The following NBEA variants were observed in gnomAD, a reference collection of about 807,000 sequenced individuals.
NBEA encodes neurobeachin, also known as lysosomal-trafficking regulator 2.
A neutral mutation model predicts 343.4 loss-of-function variants in NBEA; 44 were observed. The observed-to-expected ratio is 0.13, with a 90% CI of 0.10 to 0.16. The LOEUF is 0.16. NBEA is among the 10% of genes least tolerant of loss of function. The pLI is 1.00. For missense variants in NBEA, 2,555 were observed against 3,631.3 expected (o/e 0.70, Z 7.62); for synonymous variants, 1,175 against 1,238.7 (o/e 0.95, Z 1.08).
intron 49 of NBEA, among the ~76,000 whole-genome samples, chr13:35,631,018 CAA>C (rs1321725868): frequency 6.6e-6 from 1 of 152,172 alleles, no homozygotes; most frequent in Non-Finnish European, 1.5e-5. Context: ...CAGATTCCCA[CAA>C]AGACAGTTCT....
intron 38 of NBEA, among the ~76,000 whole-genome samples, chr13:35,355,596 G>A (rs919320369): frequency 6.6e-6 from 1 of 152,010 alleles, no homozygotes; most frequent in Non-Finnish European, 1.5e-5. Context: ...TTCACTGAGG[G>A]GGAAAATAAG....
chr13:34,948,578 C>T (rs1015916049), intron 1 of NBEA, among the ~76,000 whole-genome samples: 1 of 152,068 alleles, frequency 6.6e-6, no homozygotes, highest in East Asian at 1.9e-4. Flanking sequence ...GGTTTTTTGT[C>T]ACTTGTAAAT....
At position 35,164,365 on chromosome 13, in the gene NBEA, A is replaced by G. The variant is rs202212960; in HGVS notation, c.4089A>G (p.Thr1363=). Residue 1363 remains threonine (T), a synonymous_variant, in exon 24 of 59, where the codon ACA becomes ACG. Transcript: ENST00000379939. Reference sequence around the variant, plus strand: ...GTTTTCTGTATTTTAGCCATTCTACAAAGTCTGTAATGGATTTTGTCAATA... The same window carrying G: ...GTTTTCTGTATTTTAGCCATTCTACGAAGTCTGTAATGGATTTTGTCAATA... ...TDVHVWRSHS[T]KSVMDFVNSN... is the part of the protein sequence containing the mutation. The G allele has an allele frequency of 1.0e-4, 164 of 1,579,064 alleles. No individual in the cohort carries two copies. The highest frequency in any genetic ancestry group is 1.3e-4 in the Non-Finnish European group (156 of 1,160,512).
At chr13:35,475,013 G>A (rs1472908671) in intron 41 of NBEA, 2 of 1,572,796 alleles carry the variant, frequency 1.3e-6, no homozygotes, top group African/African-American at 2.7e-5. Context: ...CACTTAATAA[G>A]GACTTTGAGA....
At chr13:35,422,038 A>G (rs1312987313) in intron 38 of NBEA, among the ~76,000 whole-genome samples, 1 of 148,514 alleles carries the variant, frequency 6.7e-6, no homozygotes, top group Admixed American at 6.7e-5. Context: ...TTAAATCTGT[A>G]CATTTATGTT....
At chr13:35,388,494 A>G (rs2042355042) in intron 38 of NBEA, among the ~76,000 whole-genome samples, 1 of 152,156 alleles carries the variant, frequency 6.6e-6, no homozygotes, top group Non-Finnish European at 1.5e-5. Context: ...GATATTTAAT[A>G]TGTTATCTAT....
At chr13:34,982,110 A>G (rs1299767777) in intron 1 of NBEA, among the ~76,000 whole-genome samples, 1 of 151,994 alleles carries the variant, frequency 6.6e-6, no homozygotes, top group Non-Finnish European at 1.5e-5. Context: ...ACTTGCTGCT[A>G]TGAGTTTTCT....
chr13:35,588,053 T>C lies in NBEA; in HGVS notation c.7176+4015T>C, dbSNP rs553125967. Among the ~76,000 whole-genome samples the C allele has an allele frequency of 2.4e-4, 37 of 152,278 alleles. 1 individual carries two copies. In the South Asian group the frequency reaches 7.3e-3, roughly 30 times the overall value. On this transcript the variant is annotated intron_variant, in intron 46 of 58. Transcript: ENST00000379939. ...TAAACATGTAACCAATATAAAAATGTAAAATAAGGCATTTTACATTTTACA... is the reference window on the plus strand; with the variant it reads ...TAAACATGTAACCAATATAAAAATGCAAAATAAGGCATTTTACATTTTACA...
At chr13:35,285,038 A>T (rs2035328757) in intron 34 of NBEA, among the ~76,000 whole-genome samples, 1 of 152,202 alleles carries the variant, frequency 6.6e-6, no homozygotes, top group African/African-American at 2.4e-5. Flanking sequence ...CATATTGGAC[A>T]TGCAAAATTC....
At chr13:35,645,530 C>A (rs1447270213) in intron 49 of NBEA, among the ~76,000 whole-genome samples, 2 of 152,088 alleles carry the variant, frequency 1.3e-5, no homozygotes, top group Admixed American at 6.6e-5. Context: ...GCTATAAAAT[C>A]TCATTTCCAG....
intron 45 of NBEA, among the ~76,000 whole-genome samples, chr13:35,575,398 AC>A (rs1214842814): frequency 6.6e-6 from 1 of 152,158 alleles, no homozygotes; most frequent in African/African-American, 2.4e-5. Flanking sequence ...CTTATTTAGA[AC>A]AACCCAAAAC....
At chr13:34,944,748 TA>T (rs1195028247) in intron 1 of NBEA, among the ~76,000 whole-genome samples, 4 of 152,224 alleles carry the variant, frequency 2.6e-5, no homozygotes, top group Non-Finnish European at 5.9e-5. Flanking sequence ...AACACATTTT[TA>T]GTTGCAGTTT....
At chr13:35,564,797 C>T (rs1050187263) in intron 44 of NBEA, among the ~76,000 whole-genome samples, 7 of 152,304 alleles carry the variant, frequency 4.6e-5, no homozygotes, top group East Asian at 1.9e-4. Flanking sequence ...TATACCTCTA[C>T]GCCTTTGCAT....
At chr13:35,355,340 C>T (rs1329347040) in intron 38 of NBEA, among the ~76,000 whole-genome samples, 3 of 152,128 alleles carry the variant, frequency 2.0e-5, no homozygotes. Context: ...ATGTAGATCC[C>T]TCTGCTCCTA....
intron 34 of NBEA, among the ~76,000 whole-genome samples, chr13:35,268,188 G>A (rs2033845706): frequency 2.0e-5 from 3 of 151,934 alleles, no homozygotes; most frequent in South Asian, 2.1e-4. Flanking sequence ...AAGAGAATTC[G>A]GGCATATAAT....
chr13:35,445,794 A>ATATATATATATATG (rs1179566544), intron 39 of NBEA, among the ~76,000 whole-genome samples: 1 of 80,050 alleles, frequency 1.2e-5, no homozygotes, highest in Non-Finnish European at 2.4e-5. Flanking sequence ...ATATATATAT[A>ATATATATATATATG]TATATATATA....
rs534105789 is a variant in NBEA at position 35,156,725 on chromosome 13, G to T, written c.2652-353G>T. Reference sequence around the variant, plus strand: ...GTAAGACTTTGTGCTACACAAGATAGTCTTAGTACACAGTCTCAGTACATT... The same window carrying T: ...GTAAGACTTTGTGCTACACAAGATATTCTTAGTACACAGTCTCAGTACATT... On this transcript the variant is annotated intron_variant, in intron 20 of 58. Coordinates refer to ENST00000379939, the MANE Select transcript of NBEA (RefSeq NM_001385012.1). 2.0e-5 allele frequency among the ~76,000 whole-genome samples: 3 copies of T among 152,256 alleles called. No homozygotes were observed. In the East Asian group the frequency reaches 5.8e-4, roughly 29 times the overall value.
chr13:35,279,597 A>G (rs1219953138), intron 34 of NBEA, among the ~76,000 whole-genome samples: 1 of 152,216 alleles, frequency 6.6e-6, no homozygotes, highest in Non-Finnish European at 1.5e-5. Flanking sequence ...GTTTAAAACA[A>G]TACAATGAAT....
intron 40 of NBEA, among the ~76,000 whole-genome samples, chr13:35,453,319 T>G (rs1047420250): frequency 2.0e-5 from 3 of 152,212 alleles, no homozygotes; most frequent in Non-Finnish European, 2.9e-5. Flanking sequence ...GATATTTCTA[T>G]ATTATTCACA....
Sources: gnomAD v4.1 joint callset for allele counts (sites outside exome capture counted in the v4.1 genomes callset) on GRCh38, gnomAD v4.1.1 for gene constraint, MANE v1.5 for transcripts, NCBI Gene and HGNC (gene_info 2026-07-23, HGNC 2026-07-21) for gene names.